The following PEAK1 variants were observed in gnomAD, a reference collection of about 807,000 sequenced individuals.
The protein encoded by PEAK1 is inactive tyrosine-protein kinase PEAK1.
Under a neutral mutation model 124.7 loss-of-function variants are expected in PEAK1, and 54 were observed. The ratio of observed to expected loss-of-function variants is 0.43; its 90% CI spans 0.35 to 0.54. The LOEUF (loss-of-function observed/expected upper bound fraction) is 0.54. Among genes scored for constraint, PEAK1 ranks in the 20% least tolerant of loss-of-function variants. The pLI is 0.01. For synonymous variants in PEAK1, 719 were observed against 760.0 expected (o/e 0.95, Z 0.89); for missense variants, 2,046 against 2,134.5 (o/e 0.96, Z 0.82).
chr15:77,398,562 CA>C (rs776096081), intron 1 of PEAK1, among the ~76,000 whole-genome samples: 13 of 148,122 alleles, frequency 8.8e-5, no homozygotes, highest in Admixed American at 2.0e-4. Context: ...TAAAATTCAA[CA>C]TTCCTTCATG....
intron 6 of PEAK1, among the ~76,000 whole-genome samples, chr15:77,193,878 T>A (rs1033752428): frequency 2.6e-5 from 4 of 151,984 alleles, no homozygotes; most frequent in South Asian, 2.1e-4. Flanking sequence ...TCTAGCCATC[T>A]CTTCTGTGAT....
At chr15:77,282,660 A>T (rs2062731807) in intron 5 of PEAK1, among the ~76,000 whole-genome samples, 1 of 152,194 alleles carries the variant, frequency 6.6e-6, no homozygotes, top group African/African-American at 2.4e-5. Flanking sequence ...AAAAATTCCA[A>T]ACCCTCAGTT....
chr15:77,241,178 A>T (rs1038949423), intron 6 of PEAK1, among the ~76,000 whole-genome samples: 2 of 152,096 alleles, frequency 1.3e-5, no homozygotes, highest in Admixed American at 6.6e-5. Context: ...AAAGTCCAAA[A>T]TTTTTTTTAA....
chr15:77,290,253 T>C (rs1375728859), intron 2 of PEAK1, among the ~76,000 whole-genome samples: 1 of 152,138 alleles, frequency 6.6e-6, no homozygotes, highest in Non-Finnish European at 1.5e-5. Context: ...ACCTCCAGAG[T>C]AGCTGGGATT....
At chr15:77,340,440 T>A (rs1398069979) in intron 2 of PEAK1, among the ~76,000 whole-genome samples, 3 of 151,802 alleles carry the variant, frequency 2.0e-5, no homozygotes, top group Non-Finnish European at 4.4e-5. Context: ...AAAAGATGAG[T>A]AATTGCCAAG....
intron 6 of PEAK1, among the ~76,000 whole-genome samples, chr15:77,209,353 T>C (rs1275447674): frequency 6.6e-6 from 1 of 151,922 alleles, no homozygotes; most frequent in African/African-American, 2.4e-5. Flanking sequence ...GCTTATTTCT[T>C]TATCCTTCAG....
rs1192798375 is a variant in PEAK1 at position 77,200,068 on chromosome 15, C to A, written c.-114-18028G>T. On this transcript the variant is annotated intron_variant, in intron 6 of 9. Coordinates refer to ENST00000682557, the MANE Select transcript of PEAK1 (RefSeq NM_001385026.1). ...CATCAAGTGGGCCTATCTTTCCTGCCTATTTCCACCTGTTCAGTCTCTTCT... is the reference window on the plus strand; with the variant it reads ...CATCAAGTGGGCCTATCTTTCCTGCATATTTCCACCTGTTCAGTCTCTTCT... 2.0e-5 allele frequency among the ~76,000 whole-genome samples: 3 copies of A among 152,166 alleles called. No homozygotes were observed. The East Asian group carries it at 5.8e-4, about 29-fold the overall frequency.
intron 6 of PEAK1, among the ~76,000 whole-genome samples, chr15:77,201,778 G>C (rs540018226): frequency 6.6e-6 from 1 of 152,180 alleles, no homozygotes; most frequent in South Asian, 2.1e-4. Context: ...TTCAGAGTTT[G>C]TTTTTATGTT....
chr15:77,414,643 T>C (rs534202007), intron 1 of PEAK1, among the ~76,000 whole-genome samples: 74 of 152,308 alleles, frequency 4.9e-4, no homozygotes, highest in African/African-American at 1.7e-3. Flanking sequence ...ACCTTTCTAA[T>C]CCTCAGTTTC....
intron 6 of PEAK1, among the ~76,000 whole-genome samples, chr15:77,193,335 A>C (rs2057937963): frequency 6.6e-6 from 1 of 152,184 alleles, no homozygotes; most frequent in African/African-American, 2.4e-5. Flanking sequence ...TGATCAGCTT[A>C]AATTAGTTTT....
intron 8 of PEAK1, among the ~76,000 whole-genome samples, chr15:77,142,988 T>C (rs1308922801): frequency 1.3e-5 from 2 of 152,220 alleles, no homozygotes; most frequent in Non-Finnish European, 2.9e-5. Context: ...ATATAAATTA[T>C]ATCTCAATAA....
chr15:77,291,187 T>G lies in PEAK1; in HGVS notation c.-602-4683A>C, dbSNP rs535010216. Among the ~76,000 whole-genome samples the G allele has an allele frequency of 1.2e-4, 18 of 152,294 alleles. No individual in the cohort carries two copies. The South Asian group carries it at 3.7e-3, about 32-fold the overall frequency. ...TGAGATACAAAGCTGAATGTTAATT[T>G]TCAACATAACACTGATATGTCAGAA... On this transcript the variant is annotated intron_variant, in intron 2 of 9. Coordinates refer to ENST00000682557, the MANE Select transcript of PEAK1 (RefSeq NM_001385026.1).
intron 8 of PEAK1, among the ~76,000 whole-genome samples, chr15:77,136,097 T>C (rs750806298): frequency 2.6e-5 from 4 of 152,154 alleles, no homozygotes; most frequent in Admixed American, 6.5e-5. Context: ...TTGACAAAAG[T>C]GCTGATAGTG....
intron 2 of PEAK1, chr15:77,347,562 T>C (rs976637513): frequency 1.8e-4 from 180 of 985,264 alleles, no homozygotes; most frequent in Admixed American, 3.7e-4. Context: ...CAAAGGAATG[T>C]TTCTGGATGT....
intron 1 of PEAK1, among the ~76,000 whole-genome samples, chr15:77,376,119 C>T (rs7180023): frequency 0.94 from 142,506 of 151,708 alleles, 67,598 homozygotes; most frequent in East Asian, 1. Flanking sequence ...TTTGAACACA[C>T]ATAACAAAAA....
intron 2 of PEAK1, chr15:77,334,912 C>T: frequency 4.1e-6 from 4 of 985,408 alleles, no homozygotes; most frequent in Non-Finnish European, 4.8e-6. Flanking sequence ...TGATATCCAG[C>T]TTCCCCAGGT....
chr15:77,319,798 T>G (rs1438561999), intron 2 of PEAK1, among the ~76,000 whole-genome samples: 3 of 152,180 alleles, frequency 2.0e-5, no homozygotes, highest in Non-Finnish European at 4.4e-5. Flanking sequence ...ACCAAATTTA[T>G]AGATGCACCC....
At chr15:77,419,503 G>C (rs1477638084) in intron 1 of PEAK1, 1 of 985,030 alleles carries the variant, frequency 1.0e-6, no homozygotes, top group Non-Finnish European at 1.2e-6. Context: ...GGAGCCACCC[G>C]GCTCCGTCCC....
chr15:77,380,466 G>C (rs921666247), intron 1 of PEAK1, among the ~76,000 whole-genome samples: 1 of 152,042 alleles, frequency 6.6e-6, no homozygotes, highest in African/African-American at 2.4e-5. Flanking sequence ...CTGTCAAAGA[G>C]ATATGAGAAA....
Sources: allele counts gnomAD v4.1 joint callset (sites outside exome capture counted in the v4.1 genomes callset), GRCh38; gene constraint gnomAD v4.1.1; transcripts MANE v1.5; gene names NCBI Gene and HGNC (gene_info 2026-07-23, HGNC 2026-07-21).